The following EFHC1 variants were observed in gnomAD, a reference collection of about 807,000 sequenced individuals.
EFHC1 encodes the protein EF-hand domain containing 1, also known as EF-hand domain-containing protein 1.
EFHC1 carries 53 observed loss-of-function variants against 69.9 expected under a neutral mutation model. That is an observed-to-expected ratio of 0.76 (90% CI 0.61 to 0.95). The LOEUF is 0.95. Ranked by LOEUF, EFHC1 falls within the 40% of genes least tolerant of loss-of-function variation. The probability of loss-of-function intolerance (pLI) is 0.00; values close to 1 mark genes in which losing one functional copy is unlikely to be tolerated. For synonymous variants in EFHC1, 256 were observed against 278.4 expected (o/e 0.92, Z 0.80); for missense variants, 739 against 798.7 (o/e 0.93, Z 0.90).
At chr6:52,478,932 G>GAC in intron 7 of EFHC1, 105 bp from the exon 8 acceptor site, 2 of 1,080,342 alleles carry the variant, frequency 1.9e-6, no homozygotes, top group Non-Finnish European at 2.8e-6. Flanking sequence ...TAAAAACCCA[G>GAC]ACTGCTTCAT....
At chr6:52,469,717 C>T (rs144320483) in intron 7 of EFHC1, among the ~76,000 whole-genome samples, 59 of 152,274 alleles carry the variant, frequency 3.9e-4, no homozygotes, top group African/African-American at 1.3e-3. Context: ...ATCTCTCACT[C>T]TTACACCTCA....
intron 9 of EFHC1, chr6:52,486,016 G>C (rs1405772882): frequency 2.0e-5 from 3 of 152,112 alleles, no homozygotes; most frequent in Admixed American, 6.5e-5. Flanking sequence ...CAAATCCACT[G>C]TCGCATCTTC....
intron 6 of EFHC1, among the ~76,000 whole-genome samples, chr6:52,465,875 A>G (rs1331412207): frequency 6.7e-6 from 1 of 148,376 alleles, no homozygotes; most frequent in Non-Finnish European, 1.5e-5. Flanking sequence ...TATATATTAT[A>G]AATCATATTG....
intron 2 of EFHC1, among the ~76,000 whole-genome samples, chr6:52,436,319 T>C (rs1764531155): frequency 6.6e-6 from 1 of 152,210 alleles, no homozygotes; most frequent in Non-Finnish European, 1.5e-5. Flanking sequence ...TATGCACTTG[T>C]ATGCACTTGC....
At chr6:52,423,668 T>TTTC (rs1764238065) in intron 1 of EFHC1, 18 of 451,062 alleles carry the variant, frequency 4.0e-5, no homozygotes, top group South Asian at 6.1e-5. Flanking sequence ...TTTTTTTTTT[T>TTTC]TTTTTTTTTT....
chr6:52,488,512 A>C (rs1009412001), intron 9 of EFHC1: 3 of 152,214 alleles, frequency 2.0e-5, no homozygotes, highest in Non-Finnish European at 4.4e-5. Flanking sequence ...GATGCATATA[A>C]AGTGGAAAAT....
chr6:52,458,743 TC>T, intron 5 of EFHC1, among the ~76,000 whole-genome samples: 1 of 152,212 alleles, frequency 6.6e-6, no homozygotes, highest in Non-Finnish European at 1.5e-5. Context: ...ACTACACCAA[TC>T]CCATTATTGG....
At chr6:52,463,651 C>T (rs1417936463) in intron 5 of EFHC1, among the ~76,000 whole-genome samples, 1 of 152,196 alleles carries the variant, frequency 6.6e-6, no homozygotes, top group Non-Finnish European at 1.5e-5. Flanking sequence ...TAAACCTGAT[C>T]CAGCATTATA....
chr6:52,448,664 G>C (rs538835909), intron 3 of EFHC1, among the ~76,000 whole-genome samples: 5 of 152,256 alleles, frequency 3.3e-5, no homozygotes, highest in South Asian at 2.1e-4. Flanking sequence ...GACTGGAGCT[G>C]TTCCTGTTCG....
rs1285576380 is a variant in EFHC1, at chr6:52,454,183, A to G, written c.812A>G (p.Asp271Gly). The change falls in exon 5 of 11, where the codon GAT (aspartate) becomes GGT (glycine). Residue 271 changes from aspartate to glycine, a missense_variant. By Grantham distance (94) the Asp-to-Gly change is moderately conservative. Coordinates refer to ENST00000371068, the MANE Select transcript of EFHC1 (RefSeq NM_018100.4). ...ATCATTCATTACTATCTTATGGATG[A>G]TACGGTGGAAATTCGAGAGGTCCAC... ...TYIIHYYLMD[D>G]TVEIREVHER... is the part of the protein sequence containing the mutation. 1.2e-6 allele frequency: 2 copies of G among 1,614,194 alleles called. No individual in the cohort carries two copies. Among genetic ancestry groups the G allele is most frequent in the Non-Finnish European group, 1.7e-6 (2 of 1,180,034 alleles).
chr6:52,453,364 C>T (rs1236171351), intron 4 of EFHC1: 3 of 1,287,058 alleles, frequency 2.3e-6, no homozygotes, highest in Non-Finnish European at 3.0e-6. Context: ...CCTTCCTAAT[C>T]CTCTCCCTTG....
intron 1 of EFHC1, among the ~76,000 whole-genome samples, chr6:52,421,597 T>G (rs1764192813): frequency 6.6e-6 from 1 of 152,270 alleles, no homozygotes; most frequent in Non-Finnish European, 1.5e-5. Flanking sequence ...AGTTTAATAC[T>G]TTAAACTCTT....
rs1562453181 is a variant in EFHC1, at chr6:52,454,120, A to T, written c.749A>T (p.Asp250Val). ...GTCCTTCGATTCTATGCAATCTGGG[A>T]TGATACAGACAGCATGTATGGTGAA... Reference protein sequence around the residue: ...KQVLRFYAIWDDTDSMYGECR... With the variant: ...KQVLRFYAIWVDTDSMYGECR... Residue 250 changes from aspartate (D) to valine (V), a missense_variant, in exon 5 of 11, where the codon GAT becomes GTT. By Grantham distance (152) the Asp-to-Val change is radical (BLOSUM62 -3). Coordinates refer to ENST00000371068, the MANE Select transcript of EFHC1 (RefSeq NM_018100.4). 2 of 1,613,834 alleles carry T rather than the reference A, an allele frequency of 1.2e-6. No homozygotes were observed. The highest frequency in any genetic ancestry group is 1.7e-6 in the Non-Finnish European group (2 of 1,179,976).
intron 6 of EFHC1, among the ~76,000 whole-genome samples, chr6:52,467,783 T>C (rs1765343480): frequency 6.6e-6 from 1 of 152,230 alleles, no homozygotes; most frequent in Non-Finnish European, 1.5e-5. Flanking sequence ...TAAATAGCTC[T>C]ATAATAAACA....
At chr6:52,423,265 T>G (rs1030536716) in intron 1 of EFHC1, among the ~76,000 whole-genome samples, 12 of 152,172 alleles carry the variant, frequency 7.9e-5, no homozygotes, top group Non-Finnish European at 1.6e-4. Context: ...ATCTTCTAGG[T>G]TCTACAGTTT....
At chr6:52,445,065 GTT>G (rs60349597) in intron 3 of EFHC1, among the ~76,000 whole-genome samples, 16 of 139,906 alleles carry the variant, frequency 1.1e-4, no homozygotes, top group South Asian at 2.3e-4. Flanking sequence ...AGATTTTCCA[GTT>G]TTTTTTTTTT....
intron 7 of EFHC1, among the ~76,000 whole-genome samples, chr6:52,477,394 G>C (rs1765566741): frequency 6.6e-6 from 1 of 152,112 alleles, no homozygotes; most frequent in Non-Finnish European, 1.5e-5. Flanking sequence ...TTAATGAGAA[G>C]ATGTGCTACA....
At chr6:52,432,681 T>C (rs954003295) in intron 2 of EFHC1, among the ~76,000 whole-genome samples, 2 of 152,212 alleles carry the variant, frequency 1.3e-5, no homozygotes, top group African/African-American at 4.8e-5. Flanking sequence ...AAAGTGTGCC[T>C]AGGTGATGAT....
chr6:52,456,118 T>C (rs1022868112), intron 5 of EFHC1, among the ~76,000 whole-genome samples: 2 of 152,192 alleles, frequency 1.3e-5, no homozygotes, highest in African/African-American at 2.4e-5. Context: ...AAAATTGTCA[T>C]CATTTTAGAA....
Sources: allele counts gnomAD v4.1 joint callset (sites outside exome capture counted in the v4.1 genomes callset), GRCh38; gene constraint gnomAD v4.1.1; transcripts MANE v1.5; gene names NCBI Gene and HGNC (gene_info 2026-07-23, HGNC 2026-07-21).